Variants in CFAP53 observed in about 807,000 individuals in gnomAD.
CFAP53 encodes cilia- and flagella-associated protein 53.
In CFAP53, 62 loss-of-function variants were observed where a neutral mutation model predicts 59.7. The ratio of observed to expected loss-of-function variants is 1.04; its 90% confidence interval spans 0.85 to 1.28. The LOEUF is 1.28. CFAP53 is among the 50% of genes most tolerant of loss of function. The probability of loss-of-function intolerance (pLI) is 0.00; values close to 1 mark genes in which losing one functional copy is unlikely to be tolerated. For synonymous variants in CFAP53, 218 were observed against 205.7 expected (o/e 1.06, Z -0.51); for missense variants, 629 against 615.6 (o/e 1.02, Z -0.23).
At chr18:50,254,927 A>G (rs2033834044) in intron 3 of CFAP53, among the ~76,000 whole-genome samples, 1 of 152,228 alleles carries the variant, frequency 6.6e-6, no homozygotes, top group Non-Finnish European at 1.5e-5. Context: ...TGATCCAGCA[A>G]TAGTATATGA....
At chr18:50,255,770 T>C (rs1819508240) in intron 3 of CFAP53, among the ~76,000 whole-genome samples, 1 of 152,068 alleles carries the variant, frequency 6.6e-6, no homozygotes, top group Non-Finnish European at 1.5e-5. Context: ...ACATGTCTAT[T>C]CATCGTAGAT....
chr18:50,258,255 C>G (rs2033862165), intron 3 of CFAP53, among the ~76,000 whole-genome samples: 1 of 152,078 alleles, frequency 6.6e-6, no homozygotes, highest in African/African-American at 2.4e-5. Context: ...TAAAAACAGA[C>G]ACATAAACCA....
At position 50,250,637 on chromosome 18, in the gene CFAP53, G is replaced by A; in HGVS notation, c.996+121C>T. The stretch of plus-strand genomic sequence containing the variant: ...CATTTTCCCAGATGGTGCTGATGCT[G>A]TTGGCTTGTGGACCACACTCAGAGT... On this transcript the variant is annotated intron_variant, in intron 5 of 7. Transcript: ENST00000398545. 4 of 738,866 alleles carry A rather than the reference G, an allele frequency of 5.4e-6. No individual in the cohort carries two copies. The South Asian group carries it at 6.7e-5, about 12-fold the overall frequency. 45.8% of individuals were successfully genotyped at this position (738,866 alleles called of 1,614,324 possible). A position where few individuals can be genotyped will look rare whatever the true frequency, so the allele number is the denominator to read the frequency against.
intron 7 of CFAP53, among the ~76,000 whole-genome samples, chr18:50,229,090 A>T (rs1483285423): frequency 6.6e-6 from 1 of 152,206 alleles, no homozygotes; most frequent in Non-Finnish European, 1.5e-5. Context: ...CTTGTCAAAA[A>T]ACAAAAACAA....
intron 5 of CFAP53, among the ~76,000 whole-genome samples, chr18:50,247,459 T>C (rs1355772944): frequency 1.3e-5 from 2 of 152,186 alleles, no homozygotes; most frequent in Non-Finnish European, 2.9e-5. Context: ...TCTAGATACA[T>C]GCCCCAAAGA....
At chr18:50,235,220 G>A (rs2033621640) in intron 7 of CFAP53, among the ~76,000 whole-genome samples, 1 of 152,192 alleles carries the variant, frequency 6.6e-6, no homozygotes. Context: ...CTATTTCAAA[G>A]CTTCTCCAGC....
intron 3 of CFAP53, among the ~76,000 whole-genome samples, chr18:50,257,620 A>G (rs1880685728): frequency 6.6e-6 from 1 of 152,252 alleles, no homozygotes; most frequent in African/African-American, 2.4e-5. Context: ...AGGACATCAA[A>G]AAATTGAAAC....
intron 7 of CFAP53, among the ~76,000 whole-genome samples, chr18:50,236,371 C>A (rs185380430): frequency 6.6e-6 from 1 of 152,196 alleles, no homozygotes; most frequent in Admixed American, 6.5e-5. Flanking sequence ...CCTAGTTATG[C>A]GCTTCAGCAA....
At chr18:50,245,750 G>C (rs1366392820) in intron 5 of CFAP53, among the ~76,000 whole-genome samples, 1 of 152,198 alleles carries the variant, frequency 6.6e-6, no homozygotes, top group Non-Finnish European at 1.5e-5. Context: ...TGCAGGAATT[G>C]ACAAGCTGAT....
intron 1 of CFAP53, 90 bp from the exon 2 acceptor site, chr18:50,262,309 T>A: frequency 9.4e-7 from 1 of 1,061,692 alleles, no homozygotes; most frequent in Non-Finnish European, 1.4e-6. Context: ...ATACTCATAC[T>A]AAATAAAATT....
In CFAP53 at chr18:50,247,095, A is replaced by T. The variant is rs367770312; in HGVS notation, c.996+3663T>A. On this transcript the variant is annotated intron_variant, in intron 5 of 7. Transcript: ENST00000398545. ...TCAATAATAAAAGGACCAATAACCC[A>T]ACTAAAATATGGGCAAAGGACTTGA... Among the ~76,000 whole-genome samples the T allele has an allele frequency of 2.2e-4, 34 of 152,264 alleles. 1 individual carries two copies. In the South Asian group the frequency reaches 6.6e-3, roughly 30 times the overall value.
intron 7 of CFAP53, among the ~76,000 whole-genome samples, chr18:50,232,066 C>T (rs1037876391): frequency 6.6e-6 from 1 of 152,146 alleles, no homozygotes; most frequent in African/African-American, 2.4e-5. Flanking sequence ...AAAGTGCACC[C>T]CAAGTTCCTC....
intron 3 of CFAP53, 29 bp from the exon 4 acceptor site, chr18:50,251,813 C>G (rs749126349): frequency 1.2e-5 from 19 of 1,595,672 alleles, no homozygotes; most frequent in Non-Finnish European, 1.5e-5. Context: ...AAAGACAAAA[C>G]CCAGCCTTTC....
chr18:50,250,916 C>G lies in CFAP53; in HGVS notation c.838G>C (p.Ala280Pro). 1 of 1,614,140 alleles carries G rather than the reference C, an allele frequency of 6.2e-7. No individual in the cohort carries two copies. Among genetic ancestry groups the G allele is most frequent in the Non-Finnish European group, 8.5e-7 (1 of 1,180,020 alleles). The change falls in exon 5 of 8, where the codon GCA becomes CCA. Residue 280 changes from alanine (A) to proline (P), a missense_variant. Ala to Pro is a conservative substitution (Grantham distance 27). Coordinates refer to ENST00000398545, the MANE Select transcript of CFAP53 (RefSeq NM_145020.5). Reference sequence around the variant, plus strand: ...AAAATGGTCCTAGTTTCCTGCTTTGCCTTCTGTTTCTTTAGCATATCCTGT... The same window carrying G: ...AAAATGGTCCTAGTTTCCTGCTTTGGCTTCTGTTTCTTTAGCATATCCTGT... The part of the protein sequence containing the change: ...NEQDMLKKQK[A>P]KQETRTILQK...
chr18:50,250,770 C>A lies in CFAP53; in HGVS notation c.984G>T (p.Lys328Asn), dbSNP rs769530411. 1.2e-5 allele frequency: 20 copies of A among 1,612,864 alleles called. No homozygotes were observed. The highest frequency in any genetic ancestry group is 1.7e-5 in the Non-Finnish European group (20 of 1,179,706). ...AAAAATGTCTTACTCTTTTTTGTTTCTTTTTATCTGCCTCTTCCTGTAAGT... is the reference window on the plus strand; with the variant it reads ...AAAAATGTCTTACTCTTTTTTGTTTATTTTTATCTGCCTCTTCCTGTAAGT... The part of the protein sequence containing the change: ...LQDLQEEADK[K>N]KQKREDMIRE... Residue 328 changes from lysine to asparagine, a missense_variant, in exon 5 of 8, where the codon AAG becomes AAT. Transcript: ENST00000398545.
At chr18:50,251,389 A>G (rs946390388) in intron 4 of CFAP53, 92 bp downstream of exon 4, 3 of 1,136,906 alleles carry the variant, frequency 2.6e-6, no homozygotes, top group African/African-American at 3.1e-5. Context: ...GAACTAGCCC[A>G]GGCCATCAGA....
At chr18:50,231,235 C>T (rs2033580613) in intron 7 of CFAP53, among the ~76,000 whole-genome samples, 4 of 152,234 alleles carry the variant, frequency 2.6e-5, no homozygotes, top group Admixed American at 2.6e-4. Context: ...CAGCTCCTCT[C>T]TTGCTGGCTG....
intron 5 of CFAP53, among the ~76,000 whole-genome samples, chr18:50,247,971 T>C (rs2033760658): frequency 6.6e-6 from 1 of 152,082 alleles, no homozygotes; most frequent in African/African-American, 2.4e-5. Context: ...AAAAAAATGA[T>C]TTAAATGTGA....
At chr18:50,233,088 T>G (rs141953001) in intron 7 of CFAP53, among the ~76,000 whole-genome samples, 1 of 152,298 alleles carries the variant, frequency 6.6e-6, no homozygotes, top group East Asian at 1.9e-4. Flanking sequence ...TGAAGTCTTC[T>G]ATAGCTCTCT....
Sources: gnomAD v4.1 joint callset for allele counts (sites outside exome capture counted in the v4.1 genomes callset) on GRCh38, gnomAD v4.1.1 for gene constraint, MANE v1.5 for transcripts, NCBI Gene and HGNC (gene_info 2026-07-23, HGNC 2026-07-21) for gene names.